CTIF: variants seen among roughly 807,000 people sequenced by gnomAD.
CTIF encodes cap binding complex dependent translation initiation factor, also known as CBP80/20-dependent translation initiation factor.
A neutral mutation model predicts 66.0 loss-of-function variants in CTIF; 21 were observed. The ratio of observed to expected loss-of-function variants is 0.32; its 90% confidence interval spans 0.23 to 0.46. The LOEUF (loss-of-function observed/expected upper bound fraction) is 0.46. Among genes scored for constraint, CTIF ranks in the 20% least tolerant of loss-of-function variants. CTIF has a pLI of 1.00. For missense variants in CTIF, 739 were observed against 812.7 expected, an observed-to-expected ratio of 0.91 and a Z score of 1.10; for synonymous variants, 345 against 326.4, an observed-to-expected ratio of 1.06 and a Z score of -0.62.
At position 48,705,031 on chromosome 18, in the gene CTIF, GC is replaced by G. The variant is rs565552659; in HGVS notation, c.508-6586del. 3.1e-3 allele frequency among the ~76,000 whole-genome samples: 475 copies of G among 152,294 alleles called. 4 individuals carry two copies. Among genetic ancestry groups the G allele is most frequent in the African/African-American group, 0.011 (448 of 41,554 alleles). The stretch of plus-strand genomic sequence containing the variant: ...CTGGCAGGCAGTGGTGGAGACAAGA[GC>G]CTTTTCCAGCCTCTGAAGGAATTGG... On this transcript the variant is annotated intron_variant, in intron 6 of 11. Coordinates refer to ENST00000256413, the MANE Select transcript of CTIF (RefSeq NM_014772.3).
At chr18:48,810,190 C>A (rs77810990) in intron 9 of CTIF, among the ~76,000 whole-genome samples, 2,396 of 152,098 alleles carry the variant, frequency 0.016, 22 homozygotes, top group Middle Eastern at 0.044. Context: ...ATCTGTTTTA[C>A]GCTTACAGCC....
intron 7 of CTIF, among the ~76,000 whole-genome samples, chr18:48,720,850 G>C (rs1164901354): frequency 2.0e-5 from 3 of 152,186 alleles, no homozygotes; most frequent in Non-Finnish European, 2.9e-5. Context: ...GAGTGGCCCT[G>C]TTGAGGCTGG....
chr18:48,684,199 G>A (rs145891952), intron 6 of CTIF, among the ~76,000 whole-genome samples: 92 of 152,246 alleles, frequency 6.0e-4, no homozygotes, highest in African/African-American at 2.1e-3. Flanking sequence ...AGGCTGGGGC[G>A]ACCTCATGCC....
chr18:48,541,168 C>G (rs919622573), intron 1 of CTIF, among the ~76,000 whole-genome samples: 1 of 152,068 alleles, frequency 6.6e-6, no homozygotes, highest in African/African-American at 2.4e-5. Flanking sequence ...GACTGCCAAC[C>G]GCAGCCCCGG....
chr18:48,703,769 A>G (rs953708312), intron 6 of CTIF, among the ~76,000 whole-genome samples: 1 of 152,136 alleles, frequency 6.6e-6, no homozygotes, highest in Non-Finnish European at 1.5e-5. Context: ...CCCCTCCACC[A>G]CCACCACCAC....
Position 48,679,383 on chromosome 18 carries a change from T to C in CTIF, c.507+8639T>C, listed in dbSNP as rs563248634. On this transcript the variant is annotated intron_variant, in intron 6 of 11. Transcript: ENST00000256413. ...GCAGATGTGATGTGGCCTCATGAAG[T>C]GGTAGTCACATCTGGAAGCAGGCAG... Among the ~76,000 whole-genome samples the C allele has an allele frequency of 2.0e-5, 3 of 152,154 alleles. No individual in the cohort carries two copies. In the South Asian group the frequency reaches 6.2e-4, roughly 32 times the overall value.
At chr18:48,780,052 G>A (rs188570834) in intron 9 of CTIF, among the ~76,000 whole-genome samples, 3 of 152,248 alleles carry the variant, frequency 2.0e-5, no homozygotes, top group East Asian at 3.9e-4. Flanking sequence ...CTCAGATGAG[G>A]CTGTGTACCT....
At chr18:48,749,179 G>C (rs192091529) in intron 7 of CTIF, among the ~76,000 whole-genome samples, 11 of 152,264 alleles carry the variant, frequency 7.2e-5, no homozygotes, top group Non-Finnish European at 1.6e-4. Flanking sequence ...TTCCGGGAGA[G>C]CAACTTCCAG....
intron 1 of CTIF, among the ~76,000 whole-genome samples, chr18:48,557,909 G>A (rs1180033251): frequency 9.2e-5 from 14 of 152,208 alleles, no homozygotes. Flanking sequence ...CCACCCTTAG[G>A]ACCACACTTA....
intron 6 of CTIF, among the ~76,000 whole-genome samples, chr18:48,693,428 G>A (rs1186688842): frequency 6.6e-6 from 1 of 152,222 alleles, no homozygotes; most frequent in Non-Finnish European, 1.5e-5. Flanking sequence ...CCAAATGCAT[G>A]AGAGTCTCTG....
At chr18:48,797,181 T>C (rs1189965493) in intron 9 of CTIF, among the ~76,000 whole-genome samples, 1 of 152,192 alleles carries the variant, frequency 6.6e-6, no homozygotes, top group African/African-American at 2.4e-5. Flanking sequence ...CCTGTTTTTC[T>C]CATAAAAGGG....
At chr18:48,777,999 A>G (rs1910850021) in intron 9 of CTIF, among the ~76,000 whole-genome samples, 1 of 152,196 alleles carries the variant, frequency 6.6e-6, no homozygotes, top group Admixed American at 6.5e-5. Flanking sequence ...TCACTGTTTC[A>G]ACACCGCCAA....
At chr18:48,840,776 A>C (rs1262852919) in intron 10 of CTIF, among the ~76,000 whole-genome samples, 1 of 152,008 alleles carries the variant, frequency 6.6e-6, no homozygotes, top group East Asian at 1.9e-4. Flanking sequence ...TGGTTACTGC[A>C]TTCTGCCCAA....
chr18:48,771,849 C>T (rs1270785749), intron 9 of CTIF, among the ~76,000 whole-genome samples: 2 of 152,228 alleles, frequency 1.3e-5, no homozygotes, highest in African/African-American at 2.4e-5. Context: ...CTATGCTAAG[C>T]GGCTCCAGAT....
At chr18:48,562,776 A>G (rs1316862872) in intron 1 of CTIF, among the ~76,000 whole-genome samples, 1 of 152,234 alleles carries the variant, frequency 6.6e-6, no homozygotes, top group Non-Finnish European at 1.5e-5. Flanking sequence ...AATGAGTGCT[A>G]GAGACTTAGG....
At chr18:48,839,339 G>A (rs2068885188) in intron 10 of CTIF, among the ~76,000 whole-genome samples, 1 of 152,064 alleles carries the variant, frequency 6.6e-6, no homozygotes, top group Non-Finnish European at 1.5e-5. Flanking sequence ...TTCCCAGGAA[G>A]CTGTCCCTGA....
intron 2 of CTIF, among the ~76,000 whole-genome samples, chr18:48,631,099 C>T (rs1404707480): frequency 6.6e-6 from 1 of 152,238 alleles, no homozygotes; most frequent in African/African-American, 2.4e-5. Flanking sequence ...ACACTCTGAG[C>T]TTCTTGCTTC....
At chr18:48,783,089 T>C (rs1284355386) in intron 9 of CTIF, among the ~76,000 whole-genome samples, 1 of 152,142 alleles carries the variant, frequency 6.6e-6, no homozygotes, top group Non-Finnish European at 1.5e-5. Flanking sequence ...GGGTGTACTG[T>C]CCCTCCCTTC....
intron 1 of CTIF, chr18:48,565,839 G>A (rs1361820179): frequency 1.3e-5 from 2 of 152,228 alleles, no homozygotes; most frequent in South Asian, 2.1e-4. Context: ...CCCAGATAAC[G>A]GTCATGTGGG....
Sources: gnomAD v4.1 joint callset for allele counts (sites outside exome capture counted in the v4.1 genomes callset) on GRCh38, gnomAD v4.1.1 for gene constraint, MANE v1.5 for transcripts, NCBI Gene and HGNC (gene_info 2026-07-23, HGNC 2026-07-21) for gene names.